SCTR: variants seen among roughly 807,000 people sequenced by gnomAD.
SCTR encodes pancreatic secretin receptor.
In SCTR, 56 loss-of-function variants were observed where a neutral mutation model predicts 60.8. That is an observed-to-expected ratio of 0.92 (90% confidence interval 0.74 to 1.15). SCTR has a LOEUF of 1.15. Among genes scored for constraint, SCTR ranks in the 50% most tolerant of loss-of-function variants. The probability of loss-of-function intolerance (pLI) is 0.00; values close to 1 mark genes in which losing one functional copy is unlikely to be tolerated. For missense variants in SCTR, 562 were observed against 550.4 expected, an observed-to-expected ratio of 1.02 and a Z score of -0.21; for synonymous variants, 202 against 217.0, an observed-to-expected ratio of 0.93 and a Z score of 0.61.
intron 1 of SCTR, among the ~76,000 whole-genome samples, chr2:119,496,290 G>A (rs1316363414): frequency 6.6e-6 from 1 of 152,206 alleles, no homozygotes; most frequent in African/African-American, 2.4e-5. Flanking sequence ...GTGAGACCAG[G>A]TATAACCTTT....
At chr2:119,441,351 G>A (rs2587663) in intron 12 of SCTR, among the ~76,000 whole-genome samples, 31,327 of 152,102 alleles carry the variant, frequency 0.21, 3,581 homozygotes, top group Middle Eastern at 0.26. Context: ...TAGGAACAGG[G>A]TCCAGCCATG....
chr2:119,451,272 C>G (rs1004741018), intron 9 of SCTR, among the ~76,000 whole-genome samples: 1 of 152,164 alleles, frequency 6.6e-6, no homozygotes, highest in Non-Finnish European at 1.5e-5. Context: ...TCCTGTGTGT[C>G]CCCATGTGCC....
chr2:119,474,999 C>T (rs1677206502), intron 3 of SCTR, among the ~76,000 whole-genome samples: 1 of 152,212 alleles, frequency 6.6e-6, no homozygotes, highest in African/African-American at 2.4e-5. Flanking sequence ...CTCTGTGCCA[C>T]AAAATAATCA....
chr2:119,465,693 C>A, intron 5 of SCTR, 96 bp downstream of exon 5: 1 of 836,842 alleles, frequency 1.2e-6, no homozygotes. Flanking sequence ...GTAGTTCACT[C>A]AGACCTTCCT....
intron 7 of SCTR, among the ~76,000 whole-genome samples, chr2:119,453,835 A>G (rs1683267751): frequency 6.6e-6 from 1 of 152,238 alleles, no homozygotes; most frequent in Non-Finnish European, 1.5e-5. Context: ...TTTAACAGCT[A>G]AGGTAAGCCA....
chr2:119,511,229 AT>A (rs1678921303), intron 1 of SCTR, among the ~76,000 whole-genome samples: 1 of 151,982 alleles, frequency 6.6e-6, no homozygotes, highest in African/African-American at 2.4e-5. Context: ...AAAAAATTAT[AT>A]TCTTTTACTG....
rs1558827534 is a variant in SCTR at position 119,440,020 on chromosome 2, A to C, written c.*97T>G. On this transcript the variant is annotated 3_prime_UTR_variant, in exon 13 of 13. Transcript: ENST00000019103. ...GGCATCTTCAGCTGAAGGAGGACAC[A>C]GGGTGTCTGCTGGGAAGACTGGCTG... 7.7e-7 allele frequency: 1 copy of C among 1,306,770 alleles called. No homozygotes were observed. Among genetic ancestry groups the C allele is most frequent in the Non-Finnish European group, 1.1e-6 (1 of 943,126 alleles). The allele number at this position is 1,306,770 out of a possible 1,614,324, so 80.9% of individuals were successfully genotyped here.
chr2:119,516,989 T>C (rs1679135873), intron 1 of SCTR, among the ~76,000 whole-genome samples: 1 of 152,060 alleles, frequency 6.6e-6, no homozygotes, highest in Non-Finnish European at 1.5e-5. Flanking sequence ...ACAATAATAA[T>C]AACACTGTAT....
intron 4 of SCTR, among the ~76,000 whole-genome samples, chr2:119,468,814 T>A (rs1467190556): frequency 1.3e-5 from 2 of 152,200 alleles, no homozygotes; most frequent in Non-Finnish European, 2.9e-5. Context: ...TTGTGTCATC[T>A]GTAGAGTACA....
chr2:119,453,569 G>T (rs760503594), intron 7 of SCTR, among the ~76,000 whole-genome samples: 6 of 152,208 alleles, frequency 3.9e-5, no homozygotes, highest in Non-Finnish European at 7.3e-5. Context: ...AGAATCAGAA[G>T]GATCCCAAAG....
chr2:119,444,906 C>CAT (rs200097350), intron 11 of SCTR, among the ~76,000 whole-genome samples: 653 of 13,774 alleles, frequency 0.047, 301 homozygotes, highest in Non-Finnish European at 0.065. Context: ...AATATATATA[C>CAT]ATATATTCGT....
intron 1 of SCTR, among the ~76,000 whole-genome samples, chr2:119,521,836 A>G (rs561353640): frequency 2.6e-5 from 4 of 152,270 alleles, no homozygotes; most frequent in African/African-American, 9.6e-5. Context: ...AGGCTGGGAA[A>G]TATTCCAACC....
intron 1 of SCTR, among the ~76,000 whole-genome samples, chr2:119,518,188 G>C (rs1032986296): frequency 2.0e-5 from 3 of 152,130 alleles, no homozygotes; most frequent in Admixed American, 2.0e-4. Flanking sequence ...AAGTCCCCAA[G>C]TCTGTGGTAT....
At chr2:119,460,058 G>A (rs1683540139) in intron 7 of SCTR, among the ~76,000 whole-genome samples, 1 of 151,910 alleles carries the variant, frequency 6.6e-6, no homozygotes, top group Admixed American at 6.6e-5. Flanking sequence ...TGCTGACTGG[G>A]CTGCCAAGGT....
At chr2:119,488,141 A>G (rs2104881969) in intron 2 of SCTR, among the ~76,000 whole-genome samples, 1 of 152,276 alleles carries the variant, frequency 6.6e-6, no homozygotes, top group South Asian at 2.1e-4. Flanking sequence ...GGAGCTTTAA[A>G]ACCATGTTTT....
intron 7 of SCTR, among the ~76,000 whole-genome samples, chr2:119,455,716 C>A (rs1683347486): frequency 6.6e-6 from 1 of 152,040 alleles, no homozygotes. Context: ...GAAATTCGAA[C>A]ATTAGAGGTT....
intron 7 of SCTR, among the ~76,000 whole-genome samples, chr2:119,456,795 T>C (rs540592692): frequency 1.3e-5 from 2 of 152,202 alleles, no homozygotes; most frequent in African/African-American, 4.8e-5. Flanking sequence ...TCCAGCATGA[T>C]TGGCATCCTT....
At chr2:119,458,419 G>A (rs1683462950) in intron 7 of SCTR, among the ~76,000 whole-genome samples, 1 of 151,886 alleles carries the variant, frequency 6.6e-6, no homozygotes, top group Non-Finnish European at 1.5e-5. Flanking sequence ...GGCTAACACA[G>A]TGAAACCCCG....
At chr2:119,523,743 C>A (rs1233107832) in intron 1 of SCTR, among the ~76,000 whole-genome samples, 1 of 152,074 alleles carries the variant, frequency 6.6e-6, no homozygotes, top group Non-Finnish European at 1.5e-5. Flanking sequence ...CCTTTCCTTT[C>A]TTTGTCTGTA....
Sources: allele counts gnomAD v4.1 joint callset (sites outside exome capture counted in the v4.1 genomes callset), GRCh38; gene constraint gnomAD v4.1.1; transcripts MANE v1.5; gene names NCBI Gene and HGNC (gene_info 2026-07-23, HGNC 2026-07-21).